The following FGF13 variants were observed in gnomAD, a reference collection of about 807,000 sequenced individuals.
The protein encoded by FGF13 is fibroblast growth factor 13.
FGF13 carries 2 observed loss-of-function variants against 19.5 expected under a neutral mutation model. That is an observed-to-expected ratio of 0.10 (90% CI 0.04 to 0.32). The LOEUF is 0.32. Ranked by LOEUF, FGF13 falls within the 10% of genes least tolerant of loss-of-function variation. The pLI is 1.00. For missense variants in FGF13, 113 were observed against 192.7 expected, an observed-to-expected ratio of 0.59 and a Z score of 2.45; for synonymous variants, 72 against 76.9, an observed-to-expected ratio of 0.94 and a Z score of 0.33.
At chrX:139,194,305 A>G (rs963451341) in intron 1 of FGF13, among the ~76,000 whole-genome samples, 2 of 112,470 alleles carry the variant, frequency 1.8e-5, no homozygotes, top group Admixed American at 1.9e-4. Flanking sequence ...GCAAAGCCTC[A>G]AAAAGTTAAC....
At chrX:138,784,241 A>T (rs1317361516) in intron 3 of FGF13, among the ~76,000 whole-genome samples, 11 of 101,353 alleles carry the variant, frequency 1.1e-4, no homozygotes, top group African/African-American at 3.6e-4. Flanking sequence ...GGTGCAGCGC[A>T]CCAGCATGGC....
chrX:139,161,120 T>A (rs2084029096), intron 1 of FGF13, among the ~76,000 whole-genome samples: 2 of 111,843 alleles, frequency 1.8e-5, no homozygotes, highest in Non-Finnish European at 3.8e-5. Context: ...AAAATGAATC[T>A]AGCAGCACAT....
chrX:138,949,059 C>A (rs1467273443), intron 1 of FGF13, among the ~76,000 whole-genome samples: 1 of 111,495 alleles, frequency 9.0e-6, no homozygotes, highest in Non-Finnish European at 1.9e-5. Flanking sequence ...GCCAAAAATT[C>A]TCTGGCACCA....
intron 3 of FGF13, among the ~76,000 whole-genome samples, chrX:138,702,742 A>G (rs1184889699): frequency 2.7e-5 from 3 of 112,402 alleles, no homozygotes; most frequent in African/African-American, 6.5e-5. Flanking sequence ...GACCCAAATG[A>G]CACTGTATTA....
intron 1 of FGF13, among the ~76,000 whole-genome samples, chrX:139,157,745 T>G (rs1254565281): frequency 8.9e-6 from 1 of 112,964 alleles, no homozygotes; most frequent in Non-Finnish European, 1.9e-5. Flanking sequence ...AACAAATATC[T>G]GAAAATGTGG....
chrX:139,118,318 T>C (rs1045713800), intron 1 of FGF13, among the ~76,000 whole-genome samples: 4 of 112,179 alleles, frequency 3.6e-5, no homozygotes, highest in African/African-American at 1.3e-4. Context: ...CAACTTACTA[T>C]GGGTTTATGC....
intron 1 of FGF13, among the ~76,000 whole-genome samples, chrX:139,025,145 C>G (rs2092196181): frequency 9.0e-6 from 1 of 111,491 alleles, no homozygotes; most frequent in Non-Finnish European, 1.9e-5. Context: ...TGTCCTTCTG[C>G]CAAAACCCTA....
chrX:139,008,552 A>G (rs2092114653), intron 1 of FGF13, among the ~76,000 whole-genome samples: 1 of 111,918 alleles, frequency 8.9e-6, no homozygotes, highest in Non-Finnish European at 1.9e-5. Flanking sequence ...CCCAGTACCA[A>G]CCCGGAGCCT....
intron 3 of FGF13, among the ~76,000 whole-genome samples, chrX:138,846,964 G>A (rs1219006216): frequency 9.0e-6 from 1 of 111,606 alleles, no homozygotes; most frequent in Non-Finnish European, 1.9e-5. Context: ...TACAGAATGA[G>A]CAAGTACCTC....
intron 1 of FGF13, among the ~76,000 whole-genome samples, chrX:138,889,639 T>C (rs1490789267): frequency 2.7e-5 from 3 of 111,365 alleles, no homozygotes; most frequent in Non-Finnish European, 5.7e-5. Flanking sequence ...AAATGGCCCA[T>C]AAAAGAAATG....
At chrX:138,791,921 G>T (rs1245184718) in intron 3 of FGF13, among the ~76,000 whole-genome samples, 1 of 111,663 alleles carries the variant, frequency 9.0e-6, no homozygotes, top group Non-Finnish European at 1.9e-5. Context: ...TAAAATGTTT[G>T]CCCATTAATA....
chrX:138,761,452 AG>A (rs2090465550), intron 3 of FGF13, among the ~76,000 whole-genome samples: 1 of 111,614 alleles, frequency 9.0e-6, no homozygotes, highest in Non-Finnish European at 1.9e-5. Flanking sequence ...AGGCTTTGAA[AG>A]GACCACTGAG....
At chrX:138,897,794 G>T (rs770345196) in intron 1 of FGF13, among the ~76,000 whole-genome samples, 19 of 111,503 alleles carry the variant, frequency 1.7e-4, no homozygotes, top group Non-Finnish European at 3.0e-4. Context: ...GATCAGCCAT[G>T]GCAATTTGTC....
At chrX:138,992,529 C>T (rs996879375) in intron 1 of FGF13, among the ~76,000 whole-genome samples, 2 of 110,146 alleles carry the variant, frequency 1.8e-5, no homozygotes, top group Admixed American at 9.8e-5. Flanking sequence ...TTTTATATAG[C>T]ATGAGATATA....
chrX:138,954,592 T>C (rs2091831742), intron 1 of FGF13, among the ~76,000 whole-genome samples: 1 of 111,836 alleles, frequency 8.9e-6, no homozygotes, highest in South Asian at 3.7e-4. Flanking sequence ...GTATCTATTA[T>C]TGTGATCTAT....
At chrX:138,872,073 T>C (rs2091360634) in intron 1 of FGF13, among the ~76,000 whole-genome samples, 1 of 111,859 alleles carries the variant, frequency 8.9e-6, no homozygotes, top group Non-Finnish European at 1.9e-5. Flanking sequence ...GTGACAGTAG[T>C]TAGGACCAGT....
intron 3 of FGF13, among the ~76,000 whole-genome samples, chrX:138,824,825 T>C (rs1159623250): frequency 1.8e-5 from 2 of 111,820 alleles, no homozygotes; most frequent in African/African-American, 6.5e-5. Context: ...CACTTAGCTA[T>C]AGTTTCATGG....
At chrX:139,078,309 G>A (rs1021422681) in intron 1 of FGF13, among the ~76,000 whole-genome samples, 3 of 110,263 alleles carry the variant, frequency 2.7e-5, no homozygotes, top group African/African-American at 9.9e-5. Context: ...TGTTGCCAGC[G>A]GCTTGCCCTA....
rs1248955610 is a variant in FGF13 at position 138,625,551 on chromosome X, GCTC to G, written c.*7296_*7298del. On this transcript the variant is annotated 3_prime_UTR_variant, in exon 5 of 5. Coordinates refer to ENST00000315930, the MANE Select transcript of FGF13 (RefSeq NM_004114.5). Reference sequence around the variant, plus strand: ...TATATCTTAGCCATATAAAGAGGGAGCTCCTTCCATTTACATAAACATGGATGA... The same window carrying G: ...TATATCTTAGCCATATAAAGAGGGAGCTTCCATTTACATAAACATGGATGA... 1 of 93,266 alleles carries G rather than the reference GCTC, an allele frequency of 1.1e-5. No individual in the cohort carries two copies. Among genetic ancestry groups the G allele is most frequent in the Non-Finnish European group, 2.1e-5 (1 of 47,831 alleles). 7.7% of individuals were successfully genotyped at this position (93,266 alleles called of 1,213,427 possible).
Sources: allele counts gnomAD v4.1 joint callset (sites outside exome capture counted in the v4.1 genomes callset), GRCh38; gene constraint gnomAD v4.1.1; transcripts MANE v1.5; gene names NCBI Gene and HGNC (gene_info 2026-07-23, HGNC 2026-07-21).